Variants in COL12A1 observed in about 807,000 individuals in gnomAD.
The protein encoded by COL12A1 is collagen alpha-1(XII) chain.
Under a neutral mutation model 349.7 loss-of-function variants are expected in COL12A1, and 114 were observed. The observed-to-expected ratio is 0.33, with a 90% CI of 0.28 to 0.38. The LOEUF is 0.38. Ranked by LOEUF, COL12A1 falls within the 10% of genes least tolerant of loss-of-function variation. The pLI is 1.00. For synonymous variants in COL12A1, 1,369 were observed against 1,329.0 expected (o/e 1.03, Z -0.66); for missense variants, 3,284 against 3,756.9 (o/e 0.87, Z 3.29).
Position 75,097,305 on chromosome 6 carries a change from C to T in COL12A1, c.8525G>A (p.Gly2842Asp), listed in dbSNP as rs1486972768. The change falls in exon 59 of 66, where the codon GGC (glycine) becomes GAC (aspartate). Residue 2842 changes from glycine (G) to aspartate (D), a missense_variant and splice_region_variant. Around this residue, in one of 2 missense-constraint regions of COL12A1, gnomAD observed 683 missense variants for 932.1 expected, o/e 0.73. Coordinates refer to ENST00000322507, the MANE Select transcript of COL12A1 (RefSeq NM_004370.6). ...CATTGCACCGTCTTTTCCAGTGAAGCCCTATTGTAAAAATGAAAGTAATTA... is the reference window on the plus strand; with the variant it reads ...CATTGCACCGTCTTTTCCAGTGAAGTCCTATTGTAAAAATGAAAGTAATTA... ...PGPMGPPGDRGFTGKDGAMGP... is the reference protein window; with the variant it reads ...PGPMGPPGDRDFTGKDGAMGP... The T allele has an allele frequency of 6.2e-7, 1 of 1,612,274 alleles. No individual in the cohort carries two copies.
Position 75,183,609 on chromosome 6 carries a change from C to T in COL12A1, c.1332G>A (p.Leu444=), listed in dbSNP as rs1285986568. 1.2e-6 allele frequency: 2 copies of T among 1,612,260 alleles called. No homozygotes were observed. The highest frequency in any genetic ancestry group is 1.1e-5 in the South Asian group (1 of 90,558). The change falls in exon 10 of 66, where the codon TTG becomes TTA. Residue 444 remains leucine (L), a synonymous_variant. Transcript: ENST00000322507. The part of the protein sequence containing the change: ...GVDIKADIVF[L]VDGSYSIGIA... ...TCCCAATGCTATAGGAGCCATCAAC[C>T]AAAAACACAATATCGGCTTTTATAT...
chr6:75,143,180 C>T, intron 26 of COL12A1, 72 bp downstream of exon 26: 1 of 1,552,878 alleles, frequency 6.4e-7, no homozygotes, highest in South Asian at 1.1e-5. Flanking sequence ...ATCATCCATA[C>T]TTGATAAAGT....
intron 52 of COL12A1, among the ~76,000 whole-genome samples, chr6:75,107,353 C>T (rs554242947): frequency 6.6e-6 from 1 of 152,022 alleles, no homozygotes; most frequent in Non-Finnish European, 1.5e-5. Context: ...TCACTGCAAC[C>T]TCTGCCTCCT....
intron 1 of COL12A1, among the ~76,000 whole-genome samples, chr6:75,204,546 A>G (rs1161825526): frequency 2.0e-5 from 3 of 152,202 alleles, no homozygotes; most frequent in Non-Finnish European, 1.5e-5. Context: ...TAGCCAAAAC[A>G]TTCATTTGAA....
chr6:75,098,908 T>G (rs1024491759), intron 58 of COL12A1, among the ~76,000 whole-genome samples: 1 of 152,186 alleles, frequency 6.6e-6, no homozygotes, highest in African/African-American at 2.4e-5. Context: ...CCAAATGACC[T>G]CTGCCTGGAA....
intron 59 of COL12A1, among the ~76,000 whole-genome samples, chr6:75,096,758 T>C (rs1258329749): frequency 4.0e-5 from 6 of 150,908 alleles, no homozygotes; most frequent in Admixed American, 6.6e-5. Context: ...TAGCCGGGCG[T>C]AGTGGCGGGC....
At chr6:75,172,043 C>T (rs1768664558) in intron 13 of COL12A1, among the ~76,000 whole-genome samples, 1 of 152,106 alleles carries the variant, frequency 6.6e-6, no homozygotes. Context: ...TCTAGCTTTC[C>T]TTCTTCTCAG....
At position 75,115,904 on chromosome 6, in the gene COL12A1, G is replaced by A; in HGVS notation, c.7577C>T (p.Ala2526Val). ...YTSPGFKMLE[A>V]YNLTEKNFAS... ...AAAATTCTTTTCTGTCAGGTTGTAT[G>A]CTTCAAGCATTTTAAAACCTTTACA... Residue 2526 changes from alanine (A) to valine (V), a missense_variant, in exon 49 of 66, where the codon GCA (alanine) becomes GTA (valine). Physicochemically the swap from Ala to Val is moderately conservative, Grantham distance 64 (BLOSUM62 0). Coordinates refer to ENST00000322507, the MANE Select transcript of COL12A1 (RefSeq NM_004370.6). The A allele has an allele frequency of 1.2e-6, 2 of 1,613,070 alleles. No homozygotes were observed. The highest frequency in any genetic ancestry group is 1.7e-6 in the Non-Finnish European group (2 of 1,179,544).
At position 75,125,131 on chromosome 6, in the gene COL12A1, A is replaced by G; in HGVS notation, c.6603T>C (p.Thr2201=). The G allele has an allele frequency of 6.3e-7, 1 of 1,595,492 alleles. No individual in the cohort carries two copies. The highest frequency in any genetic ancestry group is 1.2e-5 in the South Asian group (1 of 86,480). ...GLSVPLTDQG[T]TLYLNVTDLK... ...ATGAAAATATCCATGACTCACATGT[A>G]GTGCCTTGATCTGTCAAGGGGACAC... Residue 2201 remains threonine, a synonymous_variant, in exon 40 of 66, where the codon ACT becomes ACC. Transcript: ENST00000322507.
chr6:75,113,969 C>A (rs1301255752), intron 49 of COL12A1, among the ~76,000 whole-genome samples: 1 of 151,666 alleles, frequency 6.6e-6, no homozygotes, highest in Non-Finnish European at 1.5e-5. Flanking sequence ...GCACTAAAGA[C>A]CAGTTATGTA....
At chr6:75,191,251 CTTAGAAAAGTA>C (rs986115986) in intron 5 of COL12A1, among the ~76,000 whole-genome samples, 4 of 152,000 alleles carry the variant, frequency 2.6e-5, no homozygotes, top group Admixed American at 6.6e-5. Context: ...TACACACAGA[CTTAGAAAAGTA>C]TTTTCATGGC....
intron 24 of COL12A1, 55 bp from the exon 25 acceptor site, chr6:75,145,510 T>C: frequency 6.3e-7 from 1 of 1,578,018 alleles, no homozygotes; most frequent in South Asian, 1.2e-5. Context: ...CTTTTCCATT[T>C]ACCTTTGGAA....
intron 13 of COL12A1, among the ~76,000 whole-genome samples, chr6:75,169,541 C>T (rs531701871): frequency 3.3e-4 from 51 of 152,308 alleles, no homozygotes; most frequent in Middle Eastern, 3.4e-3. Flanking sequence ...CTGAGGTCCT[C>T]CTCTTTCTTC....
chr6:75,098,788 G>C (rs1272961222), intron 58 of COL12A1, among the ~76,000 whole-genome samples: 1 of 152,172 alleles, frequency 6.6e-6, no homozygotes, highest in Admixed American at 6.5e-5. Flanking sequence ...GGCCAGAACT[G>C]CCTAAGCATC....
intron 51 of COL12A1, among the ~76,000 whole-genome samples, chr6:75,110,258 C>G (rs1175933964): frequency 6.6e-6 from 1 of 151,924 alleles, no homozygotes; most frequent in African/African-American, 2.4e-5. Context: ...ACCACAGATG[C>G]AAACATTGAC....
At chr6:75,191,807 T>C (rs1769944125) in intron 4 of COL12A1, 47 bp from the exon 5 acceptor site, 2 of 1,272,178 alleles carry the variant, frequency 1.6e-6, no homozygotes, top group Non-Finnish European at 2.2e-6. Flanking sequence ...CCCAAGCAGA[T>C]ATTCTCTTTA....
chr6:75,205,625 C>G (rs1189488278), intron 1 of COL12A1, among the ~76,000 whole-genome samples, 152 bp downstream of exon 1: 1 of 152,188 alleles, frequency 6.6e-6, no homozygotes, highest in South Asian at 2.1e-4. Context: ...GTATACAAGG[C>G]AACGCTCTAG....
intron 11 of COL12A1, among the ~76,000 whole-genome samples, chr6:75,179,932 C>A (rs569349208): frequency 6.6e-6 from 1 of 152,324 alleles, no homozygotes; most frequent in East Asian, 1.9e-4. Flanking sequence ...AAAATGTGCA[C>A]ACCATGTTCA....
chr6:75,133,385 C>T lies in COL12A1; in HGVS notation c.5702G>A (p.Arg1901Lys). 3.1e-6 allele frequency: 5 copies of T among 1,612,504 alleles called. No individual in the cohort carries two copies. The highest frequency in any genetic ancestry group is 4.2e-6 in the Non-Finnish European group (5 of 1,179,274). Residue 1901 changes from arginine (R) to lysine (K), a missense_variant, in exon 34 of 66, where the codon AGG becomes AAG. This residue lies in a region of COL12A1 where 2,601 missense variants were observed against 2,824.8 expected (regional missense o/e 0.92). Coordinates refer to ENST00000322507, the MANE Select transcript of COL12A1 (RefSeq NM_004370.6). ...IPGNTNYAIL[R>K]NLQPDTSYTV... Reference sequence around the variant, plus strand: ...GTATGAGGTATCTGGCTGCAGATTCCTAAGAATGGCATAATTGGTATTCCC... The same window carrying T: ...GTATGAGGTATCTGGCTGCAGATTCTTAAGAATGGCATAATTGGTATTCCC...
Sources: allele counts gnomAD v4.1 joint callset (sites outside exome capture counted in the v4.1 genomes callset), GRCh38; gene constraint gnomAD v4.1.1; regional missense constraint gnomAD v4.1.1; transcripts MANE v1.5; gene names NCBI Gene and HGNC (gene_info 2026-07-23, HGNC 2026-07-21).